ENTPD5: variants seen among roughly 807,000 people sequenced by gnomAD.
The protein encoded by ENTPD5 is nucleoside diphosphate phosphatase ENTPD5.
In ENTPD5, 49 loss-of-function variants were observed where a neutral mutation model predicts 60.2. The observed-to-expected ratio is 0.81, with a 90% CI of 0.65 to 1.03. ENTPD5 has a LOEUF of 1.03. Ranked by LOEUF, ENTPD5 falls within the 50% of genes least tolerant of loss-of-function variation. The probability of loss-of-function intolerance (pLI) is 0.00; values close to 1 mark genes in which losing one functional copy is unlikely to be tolerated. For missense variants in ENTPD5, 480 were observed against 507.6 expected (o/e 0.95, Z 0.52); for synonymous variants, 187 against 185.4 (o/e 1.01, Z -0.07).
chr14:73,961,545 G>A (rs148593471), downstream of ENTPD5: 124 of 1,614,028 alleles, frequency 7.7e-5, no homozygotes, highest in Non-Finnish European at 1.0e-4. Flanking sequence ...ACCTCAGTAC[G>A]GCAGCCTTCA....
intron 14 of ENTPD5, among the ~76,000 whole-genome samples, chr14:73,971,409 G>A (rs1272049347): frequency 2.6e-5 from 4 of 152,060 alleles, no homozygotes. Context: ...CGCCCACCTT[G>A]GCCTCCCAAA....
In ENTPD5 at chr14:73,987,969, G is replaced by A. The variant is rs757235389; in HGVS notation, c.134C>T (p.Ala45Val). The A allele has an allele frequency of 6.2e-7, 1 of 1,614,094 alleles. No individual in the cohort carries two copies. Among genetic ancestry groups the A allele is most frequent in the East Asian group, 2.2e-5 (1 of 44,876 alleles). ...LSSMCPINVS[A>V]STLYGIMFDA... ...AAACATAATTCCATACAAGGTGCTG[G>A]CGCTGACATTGATGGGGCACATGGA... Residue 45 changes from alanine to valine, a missense_variant, in exon 4 of 16, where the codon GCC becomes GTC. Coordinates refer to ENST00000334696, the MANE Select transcript of ENTPD5 (RefSeq NM_001249.5).
chr14:73,959,581 GTT>G (rs759810630), downstream of ENTPD5: 28 of 1,403,682 alleles, frequency 2.0e-5, no homozygotes, highest in Admixed American at 9.4e-5. Context: ...GAAAGGTGTT[GTT>G]TTTTTTTTTT....
intron 3 of ENTPD5, among the ~76,000 whole-genome samples, chr14:74,007,365 T>C (rs540964030): frequency 3.8e-4 from 57 of 151,980 alleles, no homozygotes; most frequent in East Asian, 3.7e-3. Flanking sequence ...ACTAAAAATA[T>C]AAAAAATTAG....
intron 3 of ENTPD5, among the ~76,000 whole-genome samples, chr14:73,999,827 C>A (rs1327256559): frequency 6.6e-6 from 1 of 151,342 alleles, no homozygotes; most frequent in East Asian, 1.9e-4. Context: ...CAGTAGCTTA[C>A]ACCTGTAATC....
At chr14:74,003,097 AC>A in intron 3 of ENTPD5, among the ~76,000 whole-genome samples, 1 of 152,198 alleles carries the variant, frequency 6.6e-6, no homozygotes, top group South Asian at 2.1e-4. Flanking sequence ...TAATACTATA[AC>A]CTCTCACCTT....
chr14:73,968,425 C>CT (rs34108477), intron 15 of ENTPD5, among the ~76,000 whole-genome samples: 41 of 133,770 alleles, frequency 3.1e-4, no homozygotes, highest in Non-Finnish European at 5.1e-4. Flanking sequence ...TACTGATACT[C>CT]TTTTTTTTTT....
chr14:73,994,157 A>G (rs1299225976), intron 3 of ENTPD5, among the ~76,000 whole-genome samples: 3 of 151,760 alleles, frequency 2.0e-5, no homozygotes, highest in Admixed American at 6.6e-5. Flanking sequence ...ATGGAGTTTC[A>G]CTCTGTTGCC....
At chr14:73,961,059 C>A, downstream of ENTPD5, 1 of 1,204,576 alleles carries the variant, frequency 8.3e-7, no homozygotes, top group Non-Finnish European at 1.2e-6. Flanking sequence ...TCAGTGTAGG[C>A]AAGTTGGGTA....
At chr14:74,001,371 G>C (rs112263713) in intron 3 of ENTPD5, among the ~76,000 whole-genome samples, 1,844 of 151,938 alleles carry the variant, frequency 0.012, 39 homozygotes, top group African/African-American at 0.043. Flanking sequence ...GTGTGATGGC[G>C]GGTGCCTATA....
chr14:73,955,788 TC>T, downstream of ENTPD5: 1 of 1,614,202 alleles, frequency 6.2e-7, no homozygotes, highest in Non-Finnish European at 8.5e-7. Flanking sequence ...ATGCAGACTT[TC>T]CTTTTGTGTT....
downstream of ENTPD5, chr14:73,961,861 G>A (rs754064872): frequency 6.2e-7 from 1 of 1,614,188 alleles, no homozygotes; most frequent in Non-Finnish European, 8.5e-7. Context: ...TGTTGCTCAG[G>A]ACGTGGGGCT....
At chr14:73,961,664 T>C, downstream of ENTPD5, 2 of 1,605,926 alleles carry the variant, frequency 1.2e-6, no homozygotes, top group South Asian at 2.2e-5. Flanking sequence ...ACATAAAATA[T>C]ATCTGGCTTG....
intron 11 of ENTPD5, among the ~76,000 whole-genome samples, chr14:73,974,554 T>C (rs2057357896): frequency 6.6e-6 from 1 of 152,200 alleles, no homozygotes; most frequent in African/African-American, 2.4e-5. Context: ...AGTTACTCTG[T>C]TGTTCCACCT....
At chr14:73,995,741 T>C (rs563657147) in intron 3 of ENTPD5, among the ~76,000 whole-genome samples, 1 of 152,230 alleles carries the variant, frequency 6.6e-6, no homozygotes, top group Non-Finnish European at 1.5e-5. Flanking sequence ...TCAAGTTTTA[T>C]ATGCTACTCA....
chr14:73,994,204 C>T (rs2058252262), intron 3 of ENTPD5, among the ~76,000 whole-genome samples: 1 of 152,034 alleles, frequency 6.6e-6, no homozygotes, highest in African/African-American at 2.4e-5. Flanking sequence ...TGGCTCACTG[C>T]AACCTCTGCC....
chr14:74,004,822 T>C (rs1385995626), intron 3 of ENTPD5, among the ~76,000 whole-genome samples: 1 of 152,150 alleles, frequency 6.6e-6, no homozygotes, highest in Non-Finnish European at 1.5e-5. Context: ...TATCCCTATA[T>C]TCTAATGCTC....
At chr14:73,961,275 C>T (rs2056716636), downstream of ENTPD5, 1 of 1,614,040 alleles carries the variant, frequency 6.2e-7, no homozygotes, top group African/African-American at 1.3e-5. Flanking sequence ...TCGCCAGCTG[C>T]CCCCAAGCGT....
downstream of ENTPD5, chr14:73,962,893 C>T (rs1004852040): frequency 8.2e-6 from 10 of 1,215,432 alleles, no homozygotes; most frequent in African/African-American, 4.5e-5. Context: ...AGAATACCTA[C>T]GTGATTATTA....
Sources: allele counts gnomAD v4.1 joint callset (sites outside exome capture counted in the v4.1 genomes callset), GRCh38; gene constraint gnomAD v4.1.1; transcripts MANE v1.5; gene names NCBI Gene and HGNC (gene_info 2026-07-23, HGNC 2026-07-21).